The following ERBB4 variants were observed in gnomAD, a reference collection of about 807,000 sequenced individuals.
The protein encoded by ERBB4 is erb-b2 receptor tyrosine kinase 4.
A neutral mutation model predicts 158.0 loss-of-function variants in ERBB4; 42 were observed. That is an observed-to-expected ratio of 0.27 (90% CI 0.21 to 0.34). ERBB4 has a LOEUF of 0.34. ERBB4 is among the 10% of genes least tolerant of loss of function. ERBB4 has a pLI of 1.00. For synonymous variants in ERBB4, 583 were observed against 558.7 expected (o/e 1.04, Z -0.61); for missense variants, 1,333 against 1,624.1 (o/e 0.82, Z 3.08).
intron 20 of ERBB4, among the ~76,000 whole-genome samples, chr2:211,507,035 T>C (rs966973731): frequency 5.3e-5 from 8 of 152,070 alleles, no homozygotes; most frequent in African/African-American, 1.9e-4. Context: ...GACATCACAA[T>C]TGATACCTCA....
At chr2:212,264,777 A>G (rs2085070169) in intron 1 of ERBB4, among the ~76,000 whole-genome samples, 1 of 152,182 alleles carries the variant, frequency 6.6e-6, no homozygotes, top group Non-Finnish European at 1.5e-5. Flanking sequence ...GTTCACATTT[A>G]AATCTTTAGT....
intron 20 of ERBB4, among the ~76,000 whole-genome samples, chr2:211,543,904 G>A (rs1385597229): frequency 1.3e-5 from 2 of 151,866 alleles, no homozygotes; most frequent in Non-Finnish European, 2.9e-5. Flanking sequence ...AATGATTGAT[G>A]AAAATGTGAG....
intron 12 of ERBB4, among the ~76,000 whole-genome samples, chr2:211,682,854 TTAAAC>T (rs1229478273): frequency 6.6e-6 from 1 of 152,086 alleles, no homozygotes; most frequent in African/African-American, 2.4e-5. Flanking sequence ...ATTAGGGTGT[TTAAAC>T]CATTTACATT....
At chr2:211,770,992 C>T (rs1393677615) in intron 4 of ERBB4, among the ~76,000 whole-genome samples, 2 of 152,106 alleles carry the variant, frequency 1.3e-5, no homozygotes, top group Non-Finnish European at 2.9e-5. Context: ...ATGTTCTATG[C>T]CAATTTCAAA....
chr2:212,029,473 T>C (rs79985594), intron 2 of ERBB4, among the ~76,000 whole-genome samples: 1,811 of 152,278 alleles, frequency 0.012, 19 homozygotes, highest in Non-Finnish European at 0.02. Context: ...TCCTATTGTC[T>C]AGATTATAAA....
In ERBB4 at chr2:212,088,995, T is replaced by C. The variant is rs531774792; in HGVS notation, c.234+35757A>G. Among the ~76,000 whole-genome samples the C allele has an allele frequency of 3.9e-5, 6 of 152,082 alleles. No homozygotes were observed. The East Asian group carries it at 1.2e-3, about 29-fold the overall frequency. ...ATACAGAAACAAAAACAAACAAATA[T>C]GTAAAGTAGAATTCTGAAATAATAA... On this transcript the variant is annotated intron_variant, in intron 2 of 27. Coordinates refer to ENST00000342788, the MANE Select transcript of ERBB4 (RefSeq NM_005235.3).
chr2:212,450,962 C>T (rs942091523), intron 1 of ERBB4, among the ~76,000 whole-genome samples: 14 of 151,950 alleles, frequency 9.2e-5, no homozygotes, highest in African/African-American at 2.4e-4. Context: ...CCTACCTTTA[C>T]GAAAAAATAA....
At chr2:212,111,352 A>T (rs1329123138) in intron 2 of ERBB4, among the ~76,000 whole-genome samples, 1 of 152,180 alleles carries the variant, frequency 6.6e-6, no homozygotes, top group African/African-American at 2.4e-5. Context: ...ATACCCATAC[A>T]AGTAAATTCC....
intron 1 of ERBB4, among the ~76,000 whole-genome samples, chr2:212,425,360 GTATA>G (rs1036741088): frequency 1.4e-5 from 2 of 147,094 alleles, no homozygotes; most frequent in African/African-American, 4.9e-5. Flanking sequence ...GAACATATAT[GTATA>G]TGTATACATA....
At position 211,486,820 on chromosome 2, in the gene ERBB4, G is replaced by A. The variant is rs1376261495; in HGVS notation, c.2488-55720C>T. Among the ~76,000 whole-genome samples, 3 of 152,106 alleles carry A rather than the reference G, an allele frequency of 2.0e-5. No individual in the cohort carries two copies. The South Asian group carries it at 6.2e-4, about 32-fold the overall frequency. On this transcript the variant is annotated intron_variant, in intron 20 of 27. Transcript: ENST00000342788. ...CAATATGTGAAGTGCTCACTACAAG[G>A]TAATTGCTCAATAAAATTTGGATTA... is the stretch of plus-strand genomic sequence containing the variant.
At chr2:211,818,215 T>C (rs775149309) in intron 3 of ERBB4, among the ~76,000 whole-genome samples, 11 of 152,098 alleles carry the variant, frequency 7.2e-5, no homozygotes, top group Non-Finnish European at 8.8e-5. Flanking sequence ...AAAATCCCTA[T>C]GTTTAAGTAT....
intron 1 of ERBB4, among the ~76,000 whole-genome samples, chr2:212,137,839 G>A (rs1045018483): frequency 6.6e-6 from 1 of 152,118 alleles, no homozygotes; most frequent in Admixed American, 6.6e-5. Context: ...ACTATCAACA[G>A]AGTAAACAAC....
chr2:212,360,383 T>C (rs1158880135), intron 1 of ERBB4, among the ~76,000 whole-genome samples: 1 of 151,700 alleles, frequency 6.6e-6, no homozygotes, highest in East Asian at 1.9e-4. Flanking sequence ...TTCTTCTGAT[T>C]GGATGTCTAT....
At chr2:212,425,477 A>G (rs929448168) in intron 1 of ERBB4, among the ~76,000 whole-genome samples, 2 of 145,016 alleles carry the variant, frequency 1.4e-5, no homozygotes, top group African/African-American at 5.3e-5. Flanking sequence ...AAGTAATTGT[A>G]TATTTCTCCA....
At chr2:212,374,845 C>A (rs1177414817) in intron 1 of ERBB4, among the ~76,000 whole-genome samples, 1 of 151,488 alleles carries the variant, frequency 6.6e-6, no homozygotes, top group Non-Finnish European at 1.5e-5. Context: ...GCAGATAGTG[C>A]CCAAATTGAA....
At chr2:211,436,461 C>G (rs1486744348) in intron 20 of ERBB4, among the ~76,000 whole-genome samples, 2 of 152,128 alleles carry the variant, frequency 1.3e-5, no homozygotes, top group Admixed American at 6.5e-5. Flanking sequence ...CCTTCCTCTC[C>G]TCGTCTCTAA....
intron 20 of ERBB4, 34 bp from the exon 21 acceptor site, chr2:211,431,134 T>C: frequency 6.2e-7 from 1 of 1,600,642 alleles, no homozygotes; most frequent in South Asian, 1.1e-5. Flanking sequence ...TGATATTCAG[T>C]TAATGCCCAG....
rs947623819 is a variant in ERBB4, at chr2:212,036,938, A to G, written c.234+87814T>C. Among the ~76,000 whole-genome samples the G allele has an allele frequency of 3.3e-5, 5 of 152,326 alleles. No individual in the cohort carries two copies. In the South Asian group the frequency reaches 1.0e-3, roughly 32 times the overall value. On this transcript the variant is annotated intron_variant, in intron 2 of 27. Transcript: ENST00000342788. ...CCGAATTGAAAAGCAAATCCTAGAG[A>G]TAGCAGAAATGCAGCTAGATTTTAT... is the stretch of plus-strand genomic sequence containing the variant.
At position 211,772,955 on chromosome 2, in the gene ERBB4, A is replaced by ATATT. The variant is rs1553630145; in HGVS notation, c.556+15069_556+15070insAATA. Among the ~76,000 whole-genome samples, 175 of 83,284 alleles carry ATATT rather than the reference A, an allele frequency of 2.1e-3. 7 individuals are homozygous for ATATT. The highest frequency in any genetic ancestry group is 6.6e-3 in the Middle Eastern group (1 of 152). 54.6% of individuals were successfully genotyped at this position (83,284 alleles called of 152,430 possible). ...TATATATATATATATATATATATATATTTTTTTTTTTAAAGATGGGGTCCT... is the reference window on the plus strand; with the variant it reads ...TATATATATATATATATATATATATATATTTTTTTTTTTTTAAAGATGGGGTCCT... On this transcript the variant is annotated intron_variant, in intron 4 of 27. Coordinates refer to ENST00000342788, the MANE Select transcript of ERBB4 (RefSeq NM_005235.3).
Sources: gnomAD v4.1 joint callset for allele counts (sites outside exome capture counted in the v4.1 genomes callset) on GRCh38, gnomAD v4.1.1 for gene constraint, MANE v1.5 for transcripts, NCBI Gene and HGNC (gene_info 2026-07-23, HGNC 2026-07-21) for gene names.